The following FBXO10 variants were observed in gnomAD, a reference collection of about 807,000 sequenced individuals.
FBXO10 encodes the protein F-box protein 10.
In FBXO10, 39 loss-of-function variants were observed where a neutral mutation model predicts 80.7. The ratio of observed to expected loss-of-function variants is 0.48; its 90% confidence interval spans 0.37 to 0.63. The LOEUF is 0.63. Among genes scored for constraint, FBXO10 ranks in the 30% least tolerant of loss-of-function variants. The pLI is 0.00. For missense variants in FBXO10, 1,025 were observed against 1,269.0 expected (o/e 0.81, Z 2.92); for synonymous variants, 449 against 489.6 (o/e 0.92, Z 1.09).
At chr9:37,515,482 T>C (rs76661589) in intron 10 of FBXO10, 2,544 of 155,366 alleles carry the variant, frequency 0.016, 82 homozygotes, top group African/African-American at 0.058. Context: ...ACAGACAGGT[T>C]TGAGGAAGAT....
chr9:37,535,160 C>T (rs1265447641), intron 3 of FBXO10, among the ~76,000 whole-genome samples: 3 of 152,114 alleles, frequency 2.0e-5, no homozygotes, highest in South Asian at 2.1e-4. Flanking sequence ...ATCCTATCAT[C>T]ACCATAATTC....
chr9:37,556,533 ATTTTTTTTTTTTTT>A (rs60829486), intron 1 of FBXO10, among the ~76,000 whole-genome samples: 3 of 75,102 alleles, frequency 4.0e-5, no homozygotes, highest in African/African-American at 1.1e-4. Context: ...TTTGTTCTGG[ATTTTTTTTTTTTTT>A]TTTTTTTTTT....
At chr9:37,557,344 C>G (rs1588855098) in intron 1 of FBXO10, among the ~76,000 whole-genome samples, 1 of 152,212 alleles carries the variant, frequency 6.6e-6, no homozygotes, top group Non-Finnish European at 1.5e-5. Context: ...TTACCCCAGA[C>G]CTCTTTACCC....
intron 2 of FBXO10, among the ~76,000 whole-genome samples, chr9:37,540,080 A>T (rs2119122141): frequency 6.6e-6 from 1 of 152,336 alleles, no homozygotes; most frequent in African/African-American, 2.4e-5. Flanking sequence ...GCTATAAGGC[A>T]TATGGCATGC....
In FBXO10 at chr9:37,541,181, C is replaced by T. The variant is rs368146675; in HGVS notation, c.585+3G>A. 49 of 1,588,054 alleles carry T rather than the reference C, an allele frequency of 3.1e-5. No homozygotes were observed. Among genetic ancestry groups the T allele is most frequent in the Non-Finnish European group, 4.0e-5 (47 of 1,169,120 alleles). On this transcript the variant is annotated splice_donor_region_variant and intron_variant, in intron 2 of 10. Transcript: ENST00000432825. The stretch of plus-strand genomic sequence containing the variant: ...AAGGCCGTCTATTGATGTGGATACC[C>T]ACCTTATACATGATGGGTGAGAACC...
intron 1 of FBXO10, among the ~76,000 whole-genome samples, chr9:37,568,827 A>G (rs943269737): frequency 6.6e-6 from 1 of 152,214 alleles, no homozygotes; most frequent in Non-Finnish European, 1.5e-5. Context: ...ACGGAAATCT[A>G]TCAACTTTGG....
At chr9:37,539,447 T>C (rs1189531651) in intron 2 of FBXO10, among the ~76,000 whole-genome samples, 2 of 152,210 alleles carry the variant, frequency 1.3e-5, no homozygotes, top group Non-Finnish European at 2.9e-5. Context: ...TAATATATGT[T>C]ATATGCTAAG....
At chr9:37,521,508 A>G in intron 8 of FBXO10, 61 bp downstream of exon 8, 1 of 1,417,360 alleles carries the variant, frequency 7.1e-7, no homozygotes, top group Non-Finnish European at 9.3e-7. Context: ...AATTGGAGAA[A>G]AAAAAAGACA....
chr9:37,521,907 A>G, intron 7 of FBXO10, 69 bp from the exon 8 acceptor site: 1 of 1,471,032 alleles, frequency 6.8e-7, no homozygotes, highest in South Asian at 1.4e-5. Context: ...TCTCCCTGAG[A>G]GGGGAAACAA....
At chr9:37,559,548 T>C (rs778475601) in intron 1 of FBXO10, among the ~76,000 whole-genome samples, 7 of 152,222 alleles carry the variant, frequency 4.6e-5, no homozygotes, top group East Asian at 1.9e-4. Flanking sequence ...GCACATTACA[T>C]TGGGAATCAA....
chr9:37,558,887 C>T (rs984237555), intron 1 of FBXO10, among the ~76,000 whole-genome samples: 11 of 151,742 alleles, frequency 7.2e-5, no homozygotes, highest in South Asian at 4.2e-4. Context: ...CTCAGCTCAC[C>T]GCAACCTCCA....
In FBXO10 at chr9:37,521,633, G is replaced by T. The variant is rs377191726; in HGVS notation, c.2136C>A (p.Asp712Glu). The T allele has an allele frequency of 1.9e-6, 3 of 1,613,944 alleles. No homozygotes were observed. In the South Asian group the frequency reaches 3.3e-5, roughly 18 times the overall value. The change falls in exon 8 of 11, where the codon GAC (aspartate) becomes GAA (glutamate). Residue 712 changes from aspartate (D) to glutamate (E), a missense_variant. Around this residue, in one of 3 missense-constraint regions of FBXO10, gnomAD observed 478 missense variants for 667.8 expected, o/e 0.72. Coordinates refer to ENST00000432825, the MANE Select transcript of FBXO10 (RefSeq NM_012166.3). ...TGGTGATGGGCCGGCGCAGTGGGTC[G>T]TCCTCCTTCTCCAGCTCTGTCTCCC... ...ILWETELEKE[D>E]DPLRRPITIA...
At chr9:37,515,718 C>G in intron 10 of FBXO10, 186 bp downstream of exon 10, 1 of 581,846 alleles carries the variant, frequency 1.7e-6, no homozygotes, top group South Asian at 2.4e-5. Flanking sequence ...AAAGCTTGTT[C>G]CCTCCTGGGG....
At chr9:37,527,446 C>G (rs547855421) in intron 5 of FBXO10, among the ~76,000 whole-genome samples, 28 of 152,326 alleles carry the variant, frequency 1.8e-4, no homozygotes, top group African/African-American at 6.7e-4. Context: ...TCCAAACACA[C>G]CACATTTCTC....
intron 1 of FBXO10, among the ~76,000 whole-genome samples, chr9:37,573,178 A>G (rs1273470527): frequency 2.0e-5 from 3 of 152,244 alleles, no homozygotes; most frequent in Non-Finnish European, 4.4e-5. Context: ...GGTTAAGAAG[A>G]GAAGGGACTG....
Position 37,512,599 on chromosome 9 carries a change from C to A in FBXO10, c.2819G>T (p.Arg940Leu). The A allele has an allele frequency of 6.2e-7, 1 of 1,613,984 alleles. No homozygotes were observed. Among genetic ancestry groups the A allele is most frequent in the Non-Finnish European group, 8.5e-7 (1 of 1,179,892 alleles). Residue 940 changes from arginine to leucine, a missense_variant, in exon 11 of 11, where the codon CGG (arginine) becomes CTG (leucine). Physicochemically the swap from Arg to Leu is moderately radical, Grantham distance 102. Coordinates refer to ENST00000432825, the MANE Select transcript of FBXO10 (RefSeq NM_012166.3). ...GTTGCTGTGGTAACCACCTTCCACC[C>A]GGGCTGTGATCCTCGTTGCCATGGC... Reference protein sequence around the residue: ...VTAMATRITARVEGGYHSNRS... With the variant: ...VTAMATRITALVEGGYHSNRS...
chr9:37,553,936 A>AAAAAAAAAAAAAAAG (rs1554648219), intron 1 of FBXO10, among the ~76,000 whole-genome samples: 1 of 148,888 alleles, frequency 6.7e-6, no homozygotes, highest in African/African-American at 2.6e-5. Flanking sequence ...AAAAAAAAAA[A>AAAAAAAAAAAAAAAG]AAAGAAAGAA....
chr9:37,535,907 C>T (rs1255343309), intron 3 of FBXO10: 1 of 152,242 alleles, frequency 6.6e-6, no homozygotes, highest in African/African-American at 2.4e-5. Context: ...GCCATATTCT[C>T]AATAACTATG....
At chr9:37,526,612 G>A (rs1440672423) in intron 5 of FBXO10, among the ~76,000 whole-genome samples, 1 of 151,964 alleles carries the variant, frequency 6.6e-6, no homozygotes, top group Admixed American at 6.6e-5. Flanking sequence ...TTCAGTTCAG[G>A]AGGCCAGGAG....
Sources: allele counts gnomAD v4.1 joint callset (sites outside exome capture counted in the v4.1 genomes callset), GRCh38; gene constraint gnomAD v4.1.1; regional missense constraint gnomAD v4.1.1; transcripts MANE v1.5; gene names NCBI Gene and HGNC (gene_info 2026-07-23, HGNC 2026-07-21).